Variants in EPB41L5 observed in about 807,000 individuals in gnomAD.
EPB41L5 encodes the protein erythrocyte membrane protein band 4.1 like 5, also known as band 4.1-like protein 5.
EPB41L5 carries 55 observed loss-of-function variants against 106.6 expected under a neutral mutation model. That is an observed-to-expected ratio of 0.52 (90% CI 0.42 to 0.65). EPB41L5 has a LOEUF of 0.65. EPB41L5 is among the 30% of genes least tolerant of loss of function. EPB41L5 has a pLI of 0.00. For synonymous variants in EPB41L5, 297 were observed against 306.7 expected, an observed-to-expected ratio of 0.97 and a Z score of 0.33; for missense variants, 871 against 882.1, an observed-to-expected ratio of 0.99 and a Z score of 0.16.
At chr2:120,161,067 G>C in intron 21 of EPB41L5, 93 bp downstream of exon 21, 1 of 858,908 alleles carries the variant, frequency 1.2e-6, no homozygotes, top group South Asian at 1.4e-5. Flanking sequence ...ATTACTGAGT[G>C]ACACTGGGAC....
intron 13 of EPB41L5, among the ~76,000 whole-genome samples, chr2:120,092,982 T>A (rs977153324): frequency 1.3e-5 from 2 of 152,226 alleles, no homozygotes; most frequent in Non-Finnish European, 2.9e-5. Context: ...GGCTCACACC[T>A]TTAATCCCAG....
intron 2 of EPB41L5, among the ~76,000 whole-genome samples, chr2:120,028,918 T>G (rs947130703): frequency 6.6e-6 from 1 of 152,104 alleles, no homozygotes; most frequent in Non-Finnish European, 1.5e-5. Flanking sequence ...AAGCCAGATT[T>G]TAGAGGGCTA....
chr2:120,104,250 C>G (rs1371974393), intron 16 of EPB41L5: 1 of 1,533,118 alleles, frequency 6.5e-7, no homozygotes. Context: ...AGTGTTGAGC[C>G]TCTTAGGCTT....
intron 20 of EPB41L5, among the ~76,000 whole-genome samples, chr2:120,148,599 A>G (rs148428929): frequency 1.5e-4 from 23 of 152,300 alleles, no homozygotes; most frequent in African/African-American, 3.8e-4. Flanking sequence ...GTTTATGTCA[A>G]TGGAATTATA....
rs1687493452 is a variant in EPB41L5 at position 120,168,015 on chromosome 2, A to T, written c.2135+8A>T. On this transcript the variant is annotated splice_region_variant and intron_variant, in intron 24 of 24. Transcript: ENST00000263713. Reference sequence around the variant, plus strand: ...GGTAGATGCTGTGACCAGGTGAGAAAATTATTTCTCATTTGCAGTTCTTAG... The same window carrying T: ...GGTAGATGCTGTGACCAGGTGAGAATATTATTTCTCATTTGCAGTTCTTAG... The T allele has an allele frequency of 6.2e-7, 1 of 1,613,852 alleles. No individual in the cohort carries two copies. Among genetic ancestry groups the T allele is most frequent in the African/African-American group, 1.3e-5 (1 of 75,046 alleles).
intron 1 of EPB41L5, among the ~76,000 whole-genome samples, chr2:120,017,176 A>G (rs781586248): frequency 5.3e-5 from 8 of 152,220 alleles, no homozygotes; most frequent in Non-Finnish European, 7.3e-5. Context: ...TCCTGAGGCA[A>G]TCATTTTCAC....
intron 3 of EPB41L5, among the ~76,000 whole-genome samples, chr2:120,054,252 G>A (rs563520478): frequency 6.6e-6 from 1 of 152,236 alleles, no homozygotes; most frequent in East Asian, 1.9e-4. Flanking sequence ...TTTAAAGTGT[G>A]TTATTTGCTT....
intron 3 of EPB41L5, among the ~76,000 whole-genome samples, chr2:120,043,370 CT>C (rs1402984415): frequency 6.6e-6 from 1 of 151,758 alleles, no homozygotes; most frequent in African/African-American, 2.4e-5. Context: ...GCAAAACCCT[CT>C]GTCTACTAAA....
chr2:120,053,757 T>C (rs968703206), intron 3 of EPB41L5, among the ~76,000 whole-genome samples: 5 of 152,312 alleles, frequency 3.3e-5, no homozygotes, highest in Middle Eastern at 3.4e-3. Flanking sequence ...TTTCTACTAT[T>C]TGGCTGTTAT....
chr2:120,084,773 A>T (rs576919593), intron 10 of EPB41L5, among the ~76,000 whole-genome samples: 86 of 152,276 alleles, frequency 5.6e-4, no homozygotes, highest in Non-Finnish European at 4.9e-4. Context: ...AATCAGACGT[A>T]GATTTGGTCT....
intron 24 of EPB41L5, 74 bp downstream of exon 24, chr2:120,168,081 C>G (rs1437152299): frequency 1.3e-6 from 2 of 1,482,054 alleles, no homozygotes; most frequent in Non-Finnish European, 1.8e-6. Flanking sequence ...CTTATTATCT[C>G]TAAAGCAGCA....
intron 3 of EPB41L5, among the ~76,000 whole-genome samples, chr2:120,057,201 A>G (rs1191396326): frequency 6.6e-6 from 1 of 152,204 alleles, no homozygotes; most frequent in Non-Finnish European, 1.5e-5. Flanking sequence ...TGTTTTCTCT[A>G]AAGGCCACTT....
intron 10 of EPB41L5, among the ~76,000 whole-genome samples, chr2:120,083,254 T>G (rs1246834711): frequency 2.6e-5 from 4 of 152,220 alleles, no homozygotes; most frequent in African/African-American, 9.6e-5. Context: ...TGCTATAAAT[T>G]TCCCCCTACA....
intron 18 of EPB41L5, among the ~76,000 whole-genome samples, chr2:120,134,727 C>T (rs1049168983): frequency 2.0e-5 from 3 of 152,232 alleles, no homozygotes; most frequent in Non-Finnish European, 4.4e-5. Context: ...GAGTCACAGC[C>T]TTACTGGGCA....
intron 2 of EPB41L5, among the ~76,000 whole-genome samples, chr2:120,021,230 C>T (rs1402564476): frequency 1.3e-5 from 2 of 152,064 alleles, no homozygotes; most frequent in Non-Finnish European, 2.9e-5. Context: ...GTCCCAGCTA[C>T]TCAGGAGGCT....
chr2:120,019,020 AGT>A, intron 1 of EPB41L5, 55 bp from the exon 2 acceptor site: 1 of 1,427,394 alleles, frequency 7.0e-7, no homozygotes, highest in Non-Finnish European at 9.6e-7. Flanking sequence ...ACTGACTGCA[AGT>A]TGTGGAGAAT....
At chr2:120,042,833 T>C (rs1295722032) in intron 3 of EPB41L5, among the ~76,000 whole-genome samples, 1 of 152,086 alleles carries the variant, frequency 6.6e-6, no homozygotes, top group Non-Finnish European at 1.5e-5. Context: ...AGGAAGTTTT[T>C]TGTAGAGATA....
chr2:120,031,165 A>C (rs960390103), intron 2 of EPB41L5, among the ~76,000 whole-genome samples: 5 of 152,204 alleles, frequency 3.3e-5, no homozygotes, highest in Admixed American at 1.3e-4. Context: ...CACCACGCCC[A>C]GCCCCAGCCT....
At chr2:120,059,250 A>T (rs1043850746) in intron 3 of EPB41L5, among the ~76,000 whole-genome samples, 2 of 152,154 alleles carry the variant, frequency 1.3e-5, no homozygotes, top group Non-Finnish European at 2.9e-5. Context: ...CAAACAAACT[A>T]AAAAAAGTGC....
Sources: gnomAD v4.1 joint callset for allele counts (sites outside exome capture counted in the v4.1 genomes callset) on GRCh38, gnomAD v4.1.1 for gene constraint, MANE v1.5 for transcripts, NCBI Gene and HGNC (gene_info 2026-07-23, HGNC 2026-07-21) for gene names.